ADARB1: variants seen among roughly 807,000 people sequenced by gnomAD.
ADARB1 encodes the protein adenosine deaminase RNA specific B1.
A neutral mutation model predicts 52.4 loss-of-function variants in ADARB1; 10 were observed. The observed-to-expected ratio is 0.19, with a 90% CI of 0.12 to 0.32. ADARB1 has a LOEUF of 0.32. Ranked by LOEUF, ADARB1 falls within the 10% of genes least tolerant of loss-of-function variation. The pLI is 1.00. For synonymous variants in ADARB1, 349 were observed against 371.1 expected (o/e 0.94, Z 0.68); for missense variants, 643 against 922.3 (o/e 0.70, Z 3.92).
rs2089744007 is a variant in ADARB1, at chr21:45,141,872, T to C, written c.-48+13299T>C. Among the ~76,000 whole-genome samples the C allele has an allele frequency of 3.3e-5, 5 of 151,454 alleles. No homozygotes were observed. In the South Asian group the frequency reaches 1.0e-3, roughly 32 times the overall value. ...AGCCACCCCAGGGTCTCCTTAGCCA[T>C]CCCAGGGCCACCTTAGCCACCTGTG... On this transcript the variant is annotated intron_variant, in intron 2 of 10. Transcript: ENST00000348831.
intron 1 of ADARB1, among the ~76,000 whole-genome samples, chr21:45,077,809 G>C (rs1199765739): frequency 6.6e-6 from 1 of 152,202 alleles, no homozygotes; most frequent in Non-Finnish European, 1.5e-5. Context: ...CATAATATGT[G>C]AGGTAGGAAA....
At chr21:45,185,978 A>G (rs533797549) in intron 8 of ADARB1, among the ~76,000 whole-genome samples, 2 of 152,332 alleles carry the variant, frequency 1.3e-5, no homozygotes, top group Admixed American at 1.3e-4. Flanking sequence ...CCTCAAGTAC[A>G]GGGAGCTGGA....
chr21:45,089,640 T>C (rs1347897349), intron 1 of ADARB1, among the ~76,000 whole-genome samples: 3 of 152,236 alleles, frequency 2.0e-5, no homozygotes, highest in Admixed American at 2.0e-4. Context: ...AAATTTGTTT[T>C]TGTACAGTTT....
chr21:45,087,708 G>C (rs1254506996), intron 1 of ADARB1, among the ~76,000 whole-genome samples: 1 of 152,188 alleles, frequency 6.6e-6, no homozygotes, highest in Non-Finnish European at 1.5e-5. Context: ...AAGTAAAATA[G>C]ATGGTTAATA....
At position 45,182,781 on chromosome 21, in the gene ADARB1, G is replaced by A. The variant is rs199725020; in HGVS notation, c.1247+28G>A. The A allele has an allele frequency of 4.9e-4, 749 of 1,530,862 alleles. 3 individuals are homozygous for A. Among genetic ancestry groups the A allele is most frequent in the Middle Eastern group, 1.4e-3 (8 of 5,702 alleles). The allele number at this position is 1,530,862 out of a possible 1,614,324, so 94.8% of individuals were successfully genotyped here. A position where few individuals can be genotyped will look rare whatever the true frequency, so the allele number is the denominator to read the frequency against. On this transcript the variant is annotated intron_variant, in intron 6 of 10. Transcript: ENST00000348831. ...AAGTTTAGTAAACAAATAAGGACAGGAAGCTCTTTTTAAAAAATATTCCTC... is the reference window on the plus strand; with the variant it reads ...AAGTTTAGTAAACAAATAAGGACAGAAAGCTCTTTTTAAAAAATATTCCTC...
In ADARB1 at chr21:45,176,584, G is replaced by T; in HGVS notation, c.883G>T (p.Ala295Ser). The T allele has an allele frequency of 1.9e-6, 3 of 1,614,076 alleles. No homozygotes were observed. The highest frequency in any genetic ancestry group is 2.5e-6 in the Non-Finnish European group (3 of 1,180,004). ...KARAAQSALA[A>S]IFNLHLDQTP... ...CCGGGCTGCGCAGTCTGCCCTGGCC[G>T]CCATTTTTAACTTGCACTTGGATCA... Residue 295 changes from alanine (A) to serine (S), a missense_variant, in exon 4 of 11, where the codon GCC (alanine) becomes TCC (serine). Physicochemically the swap from Ala to Ser is moderately conservative, Grantham distance 99. Coordinates refer to ENST00000348831, the MANE Select transcript of ADARB1 (RefSeq NM_001112.4). This position sits in a 1 kb window ranked among gnomAD's most constrained non-coding sequence, Gnocchi z 5.8.
At chr21:45,146,640 C>A (rs1242482315) in intron 2 of ADARB1, among the ~76,000 whole-genome samples, 1 of 152,210 alleles carries the variant, frequency 6.6e-6, no homozygotes, top group Non-Finnish European at 1.5e-5. Flanking sequence ...CAGATGAAAA[C>A]CCTGACCCAG....
intron 1 of ADARB1, among the ~76,000 whole-genome samples, chr21:45,127,592 G>A (rs2088669381): frequency 6.6e-6 from 1 of 152,164 alleles, no homozygotes; most frequent in African/African-American, 2.4e-5. Flanking sequence ...CGGGGCAGCA[G>A]GAACGCATTG....
chr21:45,206,719 G>A (rs9979324), intron 9 of ADARB1, among the ~76,000 whole-genome samples: 3,347 of 151,884 alleles, frequency 0.022, 94 homozygotes, highest in African/African-American at 0.062. Flanking sequence ...GATTACAGGC[G>A]TGTGCCACCA....
chr21:45,137,730 G>T (rs1423036470), intron 2 of ADARB1, among the ~76,000 whole-genome samples: 2 of 151,878 alleles, frequency 1.3e-5, no homozygotes, highest in African/African-American at 4.8e-5. Context: ...TGTGATGATG[G>T]TGGCACTGTG....
intron 1 of ADARB1, among the ~76,000 whole-genome samples, chr21:45,088,484 T>G (rs1270288944): frequency 6.6e-6 from 1 of 152,162 alleles, no homozygotes; most frequent in Non-Finnish European, 1.5e-5. Context: ...CTTCTTATAT[T>G]GATATAAGAA....
At chr21:45,116,409 A>C (rs989345489) in intron 1 of ADARB1, among the ~76,000 whole-genome samples, 1 of 152,248 alleles carries the variant, frequency 6.6e-6, no homozygotes, top group East Asian at 1.9e-4. Context: ...CAGTATGCTT[A>C]TTACAGACTG....
In ADARB1 at chr21:45,128,782, T is replaced by C. The variant is rs913483159; in HGVS notation, c.-48+209T>C. Reference sequence around the variant, plus strand: ...TGAGTCCCTCCTGCTTGTTCTGGGGTGGTGCCTGCTGCCCTCCAGTGGCAT... The same window carrying C: ...TGAGTCCCTCCTGCTTGTTCTGGGGCGGTGCCTGCTGCCCTCCAGTGGCAT... On this transcript the variant is annotated intron_variant, in intron 2 of 10. Coordinates refer to ENST00000348831, the MANE Select transcript of ADARB1 (RefSeq NM_001112.4). The surrounding 1 kb of genome is among the most constrained non-coding windows in gnomAD (Gnocchi z 4.6). Among the ~76,000 whole-genome samples, 11 of 152,094 alleles carry C rather than the reference T, an allele frequency of 7.2e-5. No individual in the cohort carries two copies. Among genetic ancestry groups the C allele is most frequent in the Non-Finnish European group, 2.9e-5 (2 of 68,008 alleles).
At chr21:45,089,482 A>G (rs1478529618) in intron 1 of ADARB1, among the ~76,000 whole-genome samples, 3 of 152,122 alleles carry the variant, frequency 2.0e-5, no homozygotes, top group African/African-American at 7.2e-5. Context: ...AATTTTAAAT[A>G]TAGTCAAATT....
chr21:45,133,553 T>A lies in ADARB1; in HGVS notation c.-48+4980T>A, dbSNP rs551089868. 4.0e-5 allele frequency: 7 copies of A among 175,834 alleles called. No individual in the cohort carries two copies. In the South Asian group the frequency reaches 7.8e-4, roughly 20 times the overall value. 10.9% of individuals were successfully genotyped at this position (175,834 alleles called of 1,614,324 possible). ...TATGTAACACTATATCCCATCATGT[T>A]CACAGTTCCTCCCGCCTGCAAGGCA... is the stretch of plus-strand genomic sequence containing the variant. On this transcript the variant is annotated intron_variant, in intron 2 of 10. Coordinates refer to ENST00000348831, the MANE Select transcript of ADARB1 (RefSeq NM_001112.4).
At chr21:45,080,221 ATGG>A (rs938585759) in intron 1 of ADARB1, among the ~76,000 whole-genome samples, 10 of 152,072 alleles carry the variant, frequency 6.6e-5, no homozygotes, top group Admixed American at 4.6e-4. Flanking sequence ...GAGTCATGGG[ATGG>A]TGGCTGGAGG....
chr21:45,122,073 A>G (rs982542049), intron 1 of ADARB1, among the ~76,000 whole-genome samples: 2 of 152,198 alleles, frequency 1.3e-5, no homozygotes, highest in Non-Finnish European at 2.9e-5. Context: ...CGAGCATATC[A>G]TGCCTCTGTA....
rs2090710251 is a variant in ADARB1, at chr21:45,157,279, A to C, written c.-47-14331A>C. ...TTGAAATACCATGGAAATTGGATCCAAAGCAGATTGAACAGTGCCAATTCT... is the reference window on the plus strand; with the variant it reads ...TTGAAATACCATGGAAATTGGATCCCAAGCAGATTGAACAGTGCCAATTCT... On this transcript the variant is annotated intron_variant, in intron 2 of 10. Coordinates refer to ENST00000348831, the MANE Select transcript of ADARB1 (RefSeq NM_001112.4). This position sits in a 1 kb window ranked among gnomAD's most constrained non-coding sequence, Gnocchi z 4.1. Among the ~76,000 whole-genome samples the C allele has an allele frequency of 6.6e-6, 1 of 152,260 alleles. No individual in the cohort carries two copies. The highest frequency in any genetic ancestry group is 2.1e-4 in the South Asian group (1 of 4,832).
intron 2 of ADARB1, among the ~76,000 whole-genome samples, chr21:45,129,290 G>A (rs757658593): frequency 1.4e-4 from 21 of 152,198 alleles, no homozygotes; most frequent in African/African-American, 4.6e-4. Flanking sequence ...ATGATTCAGC[G>A]TCTGCTTTTG....
Sources: gnomAD v4.1 joint callset for allele counts (sites outside exome capture counted in the v4.1 genomes callset) on GRCh38, gnomAD v4.1.1 for gene constraint, Gnocchi (gnomAD v3.1) non-coding constraint, MANE v1.5 for transcripts, NCBI Gene and HGNC (gene_info 2026-07-23, HGNC 2026-07-21) for gene names.